Variants in PIK3CD observed in about 807,000 individuals in gnomAD.
PIK3CD encodes phosphatidylinositol-4,5-bisphosphate 3-kinase catalytic subunit delta.
A neutral mutation model predicts 122.9 loss-of-function variants in PIK3CD; 20 were observed. The observed-to-expected ratio is 0.16, with a 90% CI of 0.11 to 0.24. The LOEUF (loss-of-function observed/expected upper bound fraction) is 0.24, where lower values mean the gene tolerates loss of function less well. Among genes scored for constraint, PIK3CD ranks in the 10% least tolerant of loss-of-function variants. PIK3CD has a pLI of 1.00. For missense variants in PIK3CD, 787 were observed against 1,406.3 expected (o/e 0.56, Z 7.04); for synonymous variants, 596 against 593.4 (o/e 1.00, Z -0.06).
At chr1:9,633,614 C>G in the PIK3CD span, among the ~76,000 whole-genome samples, 1 of 134,418 alleles carries the variant, frequency 7.4e-6, no homozygotes, top group Non-Finnish European at 1.6e-5. Context: ...CAGCTAATGT[C>G]ATGAAATCTT....
chr1:9,726,194 CAGAG>C (rs1366032642), intron 23 of PIK3CD, among the ~76,000 whole-genome samples: 109 of 151,954 alleles, frequency 7.2e-4, no homozygotes, highest in Non-Finnish European at 1.3e-3. Context: ...GCTCGGGTGA[CAGAG>C]CAAGACTCTG....
chr1:9,679,267 G>C (rs977715865), intron 1 of PIK3CD, among the ~76,000 whole-genome samples: 3 of 151,656 alleles, frequency 2.0e-5, no homozygotes, highest in African/African-American at 7.3e-5. Context: ...GGGGTTTCAC[G>C]GTGTTGGCCA....
chr1:9,634,552 G>T, the PIK3CD span, among the ~76,000 whole-genome samples: 1 of 151,504 alleles, frequency 6.6e-6, no homozygotes, highest in African/African-American at 2.4e-5. Context: ...GCCCGCCTTG[G>T]CCTCCCAAAG....
At chr1:9,713,453 A>G (rs1647135097) in intron 3 of PIK3CD, among the ~76,000 whole-genome samples, 1 of 152,216 alleles carries the variant, frequency 6.6e-6, no homozygotes, top group Non-Finnish European at 1.5e-5. Context: ...AACCACAGTG[A>G]ATACTTTGGC....
At chr1:9,671,791 T>A (rs1397838883) in intron 1 of PIK3CD, among the ~76,000 whole-genome samples, 4 of 152,164 alleles carry the variant, frequency 2.6e-5, no homozygotes, top group African/African-American at 9.7e-5. Flanking sequence ...AGCTTGGGTA[T>A]CTGAGGCAAA....
intron 1 of PIK3CD, among the ~76,000 whole-genome samples, chr1:9,683,294 C>T (rs1445948926): frequency 2.6e-5 from 4 of 151,552 alleles, no homozygotes; most frequent in Non-Finnish European, 4.4e-5. Context: ...AAAAATTAGC[C>T]GGGTGTGGTG....
rs1237014104 is a variant in PIK3CD at position 9,700,245 on chromosome 1, C to G, written c.-33+8674C>G. ...TCGCAGGTTCAAGTGATTCTCGTGG[C>G]TCAGCCTCCCAATAGCTGAGGTCAG... On this transcript the variant is annotated intron_variant, in intron 2 of 23. Coordinates refer to ENST00000377346, the MANE Select transcript of PIK3CD (RefSeq NM_005026.5). The surrounding 1 kb of genome is among the most constrained non-coding windows in gnomAD (Gnocchi z 5.1). Among the ~76,000 whole-genome samples, 1 of 152,056 alleles carries G rather than the reference C, an allele frequency of 6.6e-6. No homozygotes were observed. The highest frequency in any genetic ancestry group is 2.4e-5 in the African/African-American group (1 of 41,386).
rs1570418086 is a variant in PIK3CD at position 9,727,900 on chromosome 1, GT to G, written c.*856del. ...GCTCACTGTAACCTCCGCCTCCCAG[GT>G]TCAAGTGATTCTTCTGCCTCAGCCT... On this transcript the variant is annotated 3_prime_UTR_variant, in exon 24 of 24. Coordinates refer to ENST00000377346, the MANE Select transcript of PIK3CD (RefSeq NM_005026.5). 1 of 172,452 alleles carries G rather than the reference GT, an allele frequency of 5.8e-6. No individual in the cohort carries two copies. The allele number at this position is 172,452 out of a possible 1,614,324, so 10.7% of individuals were successfully genotyped here. A position where few individuals can be genotyped will look rare whatever the true frequency, so the allele number is the denominator to read the frequency against.
At chr1:9,681,493 C>A (rs1645750142) in intron 1 of PIK3CD, among the ~76,000 whole-genome samples, 1 of 152,218 alleles carries the variant, frequency 6.6e-6, no homozygotes, top group African/African-American at 2.4e-5. Context: ...CGGCTCACTG[C>A]AACCTCCCCT....
At chr1:9,656,306 A>G (rs371419461) in intron 1 of PIK3CD, among the ~76,000 whole-genome samples, 3 of 152,162 alleles carry the variant, frequency 2.0e-5, no homozygotes, top group Non-Finnish European at 4.4e-5. Flanking sequence ...ATGCTTACCA[A>G]CTGACCATTC....
In PIK3CD at chr1:9,689,021, G is replaced by A. The variant is rs1162680102; in HGVS notation, c.-137-2446G>A. On this transcript the variant is annotated intron_variant, in intron 1 of 23. Coordinates refer to ENST00000377346, the MANE Select transcript of PIK3CD (RefSeq NM_005026.5). The surrounding 1 kb of genome is among the most constrained non-coding windows in gnomAD (Gnocchi z 6.1). ...GGAAAGGCCCATCAGCTAGGGAACA[G>A]CCAGCAGGCTGGATTTGAGCCCAGA... is the stretch of plus-strand genomic sequence containing the variant. Among the ~76,000 whole-genome samples the A allele has an allele frequency of 6.6e-6, 1 of 152,256 alleles. No homozygotes were observed. Among genetic ancestry groups the A allele is most frequent in the South Asian group, 2.1e-4 (1 of 4,834 alleles).
At chr1:9,636,764 G>A in the PIK3CD span, among the ~76,000 whole-genome samples, 1 of 152,288 alleles carries the variant, frequency 6.6e-6, no homozygotes, top group African/African-American at 2.4e-5. Context: ...CGGCTTCAGG[G>A]TTGTAGAAAG....
chr1:9,638,107 A>AAAATAAATAAATAAAT, the PIK3CD span, among the ~76,000 whole-genome samples: 24 of 151,666 alleles, frequency 1.6e-4, no homozygotes, highest in African/African-American at 5.6e-4. Flanking sequence ...ACTCTGTCTC[A>AAAATAAATAAATAAAT]AAATAAATAA....
the PIK3CD span, among the ~76,000 whole-genome samples, chr1:9,642,893 C>A: frequency 6.6e-6 from 1 of 150,630 alleles, no homozygotes; most frequent in Non-Finnish European, 1.5e-5. Context: ...GAGTTCAAGA[C>A]CAGCCTGGGC....
At chr1:9,712,798 G>A (rs1389023596) in intron 3 of PIK3CD, among the ~76,000 whole-genome samples, 4 of 152,140 alleles carry the variant, frequency 2.6e-5, no homozygotes, top group African/African-American at 9.7e-5. Context: ...AACTTTGGGA[G>A]GCTGAGGCAG....
chr1:9,717,738 C>A lies in PIK3CD; in HGVS notation c.1020+112C>A. ...GGGGATCACATGAAAGCCACCTGAC[C>A]ACATTACCCAGCATCCCTGCCTGGG... On this transcript the variant is annotated intron_variant, in intron 8 of 23. Transcript: ENST00000377346. The surrounding 1 kb of genome is among the most constrained non-coding windows in gnomAD (Gnocchi z 5.4). 1.0e-6 allele frequency: 1 copy of A among 961,636 alleles called. No individual in the cohort carries two copies. The highest frequency in any genetic ancestry group is 1.6e-6 in the Non-Finnish European group (1 of 611,738). 59.6% of individuals were successfully genotyped at this position (961,636 alleles called of 1,614,324 possible). A position where few individuals can be genotyped will look rare whatever the true frequency, so the allele number is the denominator to read the frequency against.
chr1:9,715,673 G>A lies in PIK3CD; in HGVS notation c.274G>A (p.Val92Met), dbSNP rs1647293076. 1.9e-6 allele frequency: 3 copies of A among 1,613,746 alleles called. No individual in the cohort carries two copies. The highest frequency in any genetic ancestry group is 2.5e-6 in the Non-Finnish European group (3 of 1,180,032). The change falls in exon 4 of 24, where the codon GTG becomes ATG. Residue 92 changes from valine (V) to methionine (M), a missense_variant. By Grantham distance (21) the Val-to-Met change is conservative. Transcript: ENST00000377346. This position sits in a 1 kb window ranked among gnomAD's most constrained non-coding sequence, Gnocchi z 4.1. Reference protein sequence around the residue: ...LEDEQRRLCDVQPFLPVLRLV... With the variant: ...LEDEQRRLCDMQPFLPVLRLV... ...GGACGAGCAACGGCGTCTGTGTGAC[G>A]TGCAGCCCTTCCTGCCCGTCCTGCG... is the stretch of plus-strand genomic sequence containing the variant.
intron 2 of PIK3CD, among the ~76,000 whole-genome samples, chr1:9,703,455 C>A (rs77820782): frequency 0.039 from 5,833 of 150,444 alleles, 360 homozygotes; most frequent in African/African-American, 0.13. Flanking sequence ...AAAAAAAAAA[C>A]CAACAAAAAC....
At position 9,717,678 on chromosome 1, in the gene PIK3CD, G is replaced by A. The variant is rs759640144; in HGVS notation, c.1020+52G>A. The A allele has an allele frequency of 2.0e-5, 30 of 1,534,046 alleles. No individual in the cohort carries two copies. Among genetic ancestry groups the A allele is most frequent in the Non-Finnish European group, 2.7e-6 (3 of 1,110,666 alleles). On this transcript the variant is annotated intron_variant, in intron 8 of 23. Transcript: ENST00000377346. The surrounding 1 kb of genome is among the most constrained non-coding windows in gnomAD (Gnocchi z 5.4). Reference sequence around the variant, plus strand: ...GACACTGTTTTTTTGCACAAACAAGGTGGCTGTATCCTGGAGGGGTAGCAG... The same window carrying A: ...GACACTGTTTTTTTGCACAAACAAGATGGCTGTATCCTGGAGGGGTAGCAG...
Sources: gnomAD v4.1 joint callset for allele counts (sites outside exome capture counted in the v4.1 genomes callset) on GRCh38, gnomAD v4.1.1 for gene constraint, Gnocchi (gnomAD v3.1) non-coding constraint, MANE v1.5 for transcripts, NCBI Gene and HGNC (gene_info 2026-07-23, HGNC 2026-07-21) for gene names.